Variants in LINGO2 observed in about 807,000 individuals in gnomAD.
The protein encoded by LINGO2 is leucine-rich repeat and immunoglobulin-like domain-containing nogo receptor-interacting protein 2.
Under a neutral mutation model 30.6 loss-of-function variants are expected in LINGO2, and 14 were observed. The observed-to-expected ratio is 0.46, with a 90% CI of 0.30 to 0.72. The LOEUF is 0.72. Ranked by LOEUF, LINGO2 falls within the 30% of genes least tolerant of loss-of-function variation. LINGO2 has a pLI of 0.07. For synonymous variants in LINGO2, 317 were observed against 288.5 expected (o/e 1.10, Z -1.00); for missense variants, 729 against 751.7 (o/e 0.97, Z 0.35).
chr9:28,612,245 T>C (rs959837379), intron 1 of LINGO2, among the ~76,000 whole-genome samples: 1 of 152,082 alleles, frequency 6.6e-6, no homozygotes, highest in Non-Finnish European at 1.5e-5. Context: ...TGTTTTTCAG[T>C]AGAGATGAGT....
At chr9:28,714,662 C>G in the LINGO2 span, among the ~76,000 whole-genome samples, 1 of 152,188 alleles carries the variant, frequency 6.6e-6, no homozygotes, top group East Asian at 1.9e-4. Flanking sequence ...GGGCTCTTCT[C>G]TATTACAACA....
exon 6 of LINGO2, chr9:27,948,964 T>C: frequency 6.2e-7 from 1 of 1,613,918 alleles, no homozygotes; most frequent in South Asian, 1.1e-5. Flanking sequence ...TGCTTGCCTT[T>C]CCCTCGGCTC....
At chr9:28,178,249 A>C (rs1217718601) in intron 4 of LINGO2, among the ~76,000 whole-genome samples, 1 of 152,148 alleles carries the variant, frequency 6.6e-6, no homozygotes, top group African/African-American at 2.4e-5. Flanking sequence ...TAAAATTTAA[A>C]TTGTGACTTA....
At chr9:28,169,895 G>A (rs1415413477) in intron 4 of LINGO2, among the ~76,000 whole-genome samples, 1 of 152,128 alleles carries the variant, frequency 6.6e-6, no homozygotes, top group Non-Finnish European at 1.5e-5. Flanking sequence ...CATATGTTCT[G>A]TTTGAATGTC....
At chr9:29,070,587 C>A in the LINGO2 span, among the ~76,000 whole-genome samples, 1 of 151,980 alleles carries the variant, frequency 6.6e-6, no homozygotes, top group African/African-American at 2.4e-5. Context: ...GTGCTACAGA[C>A]CCCCAGGTGG....
At chr9:28,759,189 G>A in the LINGO2 span, among the ~76,000 whole-genome samples, 1 of 152,044 alleles carries the variant, frequency 6.6e-6, no homozygotes, top group African/African-American at 2.4e-5. Flanking sequence ...GAGTGTTACT[G>A]TGATGGATTG....
At chr9:28,815,097 A>C in the LINGO2 span, among the ~76,000 whole-genome samples, 1 of 152,220 alleles carries the variant, frequency 6.6e-6, no homozygotes, top group African/African-American at 2.4e-5. Context: ...TCTCAACTGA[A>C]CTAGCAAATT....
the LINGO2 span, among the ~76,000 whole-genome samples, chr9:29,039,542 C>T: frequency 2.0e-5 from 3 of 152,182 alleles, no homozygotes; most frequent in Admixed American, 6.6e-5. Context: ...GAAGCCTCTT[C>T]TCGCCTAGTT....
At chr9:28,581,412 AC>A (rs1383586097) in intron 1 of LINGO2, among the ~76,000 whole-genome samples, 1 of 151,698 alleles carries the variant, frequency 6.6e-6, no homozygotes, top group African/African-American at 2.4e-5. Context: ...GTGTATAGAA[AC>A]TTTTAAAAAT....
exon 6 of LINGO2, chr9:27,950,159 C>G (rs1288391956): frequency 1.2e-6 from 2 of 1,614,030 alleles, no homozygotes; most frequent in Non-Finnish European, 1.7e-6. Context: ...CACTGAATGC[C>G]CTGTGTGATA....
intron 5 of LINGO2, among the ~76,000 whole-genome samples, chr9:27,981,553 A>T (rs1820868356): frequency 8.1e-6 from 1 of 123,224 alleles, no homozygotes; most frequent in Non-Finnish European, 1.7e-5. Context: ...AAAAAAAAGA[A>T]AAAAAAGAAA....
the LINGO2 span, among the ~76,000 whole-genome samples, chr9:28,691,407 C>A: frequency 6.6e-6 from 1 of 152,136 alleles, no homozygotes; most frequent in Non-Finnish European, 1.5e-5. Flanking sequence ...ATTTTTCCCA[C>A]AACACAGTGA....
intron 4 of LINGO2, among the ~76,000 whole-genome samples, chr9:28,091,425 A>G (rs1419398393): frequency 1.3e-5 from 2 of 152,236 alleles, no homozygotes; most frequent in Non-Finnish European, 2.9e-5. Context: ...ATATTTGATA[A>G]ACCTGACAAA....
At chr9:28,539,501 T>TAAA (rs914544168) in intron 1 of LINGO2, among the ~76,000 whole-genome samples, 1 of 144,016 alleles carries the variant, frequency 6.9e-6, no homozygotes, top group Non-Finnish European at 1.5e-5. Flanking sequence ...TTTAGCAAAA[T>TAAA]AAAAAAAAAA....
At chr9:28,874,917 G>A in the LINGO2 span, among the ~76,000 whole-genome samples, 2 of 152,076 alleles carry the variant, frequency 1.3e-5, no homozygotes, top group African/African-American at 4.8e-5. Flanking sequence ...CCTTGTTTCT[G>A]AGAAAGGTTG....
Position 28,592,793 on chromosome 9 carries a change from CA to C in LINGO2, c.-365+77406del, listed in dbSNP as rs147272721. ...ACTGAGAAACATAGCTTGTTTTTTT[CA>C]ATAGGGTACACTTTCCAAAAAGATG... On this transcript the variant is annotated intron_variant, in intron 1 of 5. Transcript: ENST00000379992. Among the ~76,000 whole-genome samples the C allele has an allele frequency of 9.8e-3, 1,492 of 151,990 alleles. 23 individuals are homozygous for C. The highest frequency in any genetic ancestry group is 0.018 in the South Asian group (86 of 4,820).
chr9:29,113,497 T>C, the LINGO2 span, among the ~76,000 whole-genome samples: 1 of 152,188 alleles, frequency 6.6e-6, no homozygotes, highest in African/African-American at 2.4e-5. Flanking sequence ...TGTGCCCTAA[T>C]TGAAGACTAC....
At chr9:28,289,778 ATCTTCTCTCTCCAGTC>A (rs1449283136) in intron 4 of LINGO2, among the ~76,000 whole-genome samples, 1 of 152,212 alleles carries the variant, frequency 6.6e-6, no homozygotes, top group Non-Finnish European at 1.5e-5. Context: ...GCACTGAAGC[ATCTTCTCTCTCCAGTC>A]TCTCCCTTTT....
chr9:29,018,684 C>T, the LINGO2 span, among the ~76,000 whole-genome samples: 2 of 152,114 alleles, frequency 1.3e-5, 1 homozygote, highest in Non-Finnish European at 2.9e-5. Context: ...TGAATGAAGG[C>T]AGTCAGCTCC....
Sources: gnomAD v4.1 joint callset for allele counts (sites outside exome capture counted in the v4.1 genomes callset) on GRCh38, gnomAD v4.1.1 for gene constraint, MANE v1.5 for transcripts, NCBI Gene and HGNC (gene_info 2026-07-23, HGNC 2026-07-21) for gene names.